The following ARHGAP28 variants were observed in gnomAD, a reference collection of about 807,000 sequenced individuals.
ARHGAP28 encodes the protein Rho GTPase activating protein 28.
A neutral mutation model predicts 90.7 loss-of-function variants in ARHGAP28; 56 were observed. The observed-to-expected ratio is 0.62, with a 90% confidence interval of 0.50 to 0.77. ARHGAP28 has a LOEUF of 0.77. Ranked by LOEUF, ARHGAP28 falls within the 30% of genes least tolerant of loss-of-function variation. The pLI is 0.00. For synonymous variants in ARHGAP28, 308 were observed against 323.3 expected (o/e 0.95, Z 0.51); for missense variants, 869 against 900.9 (o/e 0.96, Z 0.45).
In ARHGAP28 at chr18:6,915,501, C is replaced by A. The variant is rs1180772061; in HGVS notation, c.*3347C>A. On this transcript the variant is annotated 3_prime_UTR_variant, in exon 18 of 18. Transcript: ENST00000383472. Reference sequence around the variant, plus strand: ...CATTTTTAACAGTTTTACACACTTACATACACCTTAATTAAAAATTTTTTT... The same window carrying A: ...CATTTTTAACAGTTTTACACACTTAAATACACCTTAATTAAAAATTTTTTT... 8.6e-6 allele frequency: 1 copy of A among 116,588 alleles called. No individual in the cohort carries two copies. The highest frequency in any genetic ancestry group is 2.3e-4 in the East Asian group (1 of 4,352). The allele number at this position is 116,588 out of a possible 1,614,324, so 7.2% of individuals were successfully genotyped here. A position where few individuals can be genotyped will look rare whatever the true frequency, so the allele number is the denominator to read the frequency against.
chr18:6,795,870 C>T (rs560782575), intron 1 of ARHGAP28, among the ~76,000 whole-genome samples: 1 of 152,336 alleles, frequency 6.6e-6, no homozygotes, highest in South Asian at 2.1e-4. Flanking sequence ...AGGATATGGC[C>T]TGGGACATCC....
At chr18:6,872,097 G>T (rs2057094373) in intron 7 of ARHGAP28, among the ~76,000 whole-genome samples, 1 of 152,200 alleles carries the variant, frequency 6.6e-6, no homozygotes, top group African/African-American at 2.4e-5. Flanking sequence ...AGAGAAGCCT[G>T]CAGGACTCTG....
intron 4 of ARHGAP28, among the ~76,000 whole-genome samples, chr18:6,858,717 G>A (rs977376308): frequency 4.6e-5 from 7 of 152,046 alleles, no homozygotes; most frequent in Non-Finnish European, 1.5e-5. Context: ...TTTCAGTAGA[G>A]ATGGGGTTTC....
rs574782561 is a variant in ARHGAP28 at position 6,871,036 on chromosome 18, A to G, written c.954+304A>G. On this transcript the variant is annotated intron_variant, in intron 7 of 17. Coordinates refer to ENST00000383472, the MANE Select transcript of ARHGAP28 (RefSeq NM_001366230.1). ...AGGATGGTCTCGATCTCCTGACCTC[A>G]CGATCTGCCTGCCTCGGCCTCTCAA... Among the ~76,000 whole-genome samples, 4 of 152,260 alleles carry G rather than the reference A, an allele frequency of 2.6e-5. No homozygotes were observed. The East Asian group carries it at 5.8e-4, about 22-fold the overall frequency.
intron 11 of ARHGAP28, among the ~76,000 whole-genome samples, chr18:6,885,413 T>C (rs1260786124): frequency 1.3e-5 from 2 of 152,132 alleles, no homozygotes; most frequent in Non-Finnish European, 2.9e-5. Flanking sequence ...CTCAATACCC[T>C]CAAATGGAGC....
chr18:6,834,651 T>C (rs1214227119), intron 2 of ARHGAP28: 3 of 152,322 alleles, frequency 2.0e-5, no homozygotes, highest in African/African-American at 7.2e-5. Context: ...GGAGGAACTG[T>C]TGCGAGTCTA....
At chr18:6,843,877 A>G (rs536346785) in intron 3 of ARHGAP28, among the ~76,000 whole-genome samples, 1 of 152,304 alleles carries the variant, frequency 6.6e-6, no homozygotes, top group South Asian at 2.1e-4. Context: ...TTTTCAATGG[A>G]GTTTTTATAA....
chr18:6,802,335 CT>C (rs35950139), intron 1 of ARHGAP28, among the ~76,000 whole-genome samples: 974 of 52,662 alleles, frequency 0.018, 3 homozygotes, highest in African/African-American at 0.064. Context: ...TATGGTAGTT[CT>C]TTTTTTTTTT....
intron 1 of ARHGAP28, among the ~76,000 whole-genome samples, chr18:6,737,108 A>G (rs2055935754): frequency 6.6e-6 from 1 of 152,226 alleles, no homozygotes; most frequent in Non-Finnish European, 1.5e-5. Flanking sequence ...AAAATGTTAT[A>G]TAGCAAAGCA....
intron 1 of ARHGAP28, among the ~76,000 whole-genome samples, chr18:6,755,225 A>G (rs1415500277): frequency 6.6e-5 from 10 of 152,196 alleles, no homozygotes. Flanking sequence ...GATATGGAAA[A>G]AGCCTAGATC....
intron 10 of ARHGAP28, among the ~76,000 whole-genome samples, chr18:6,881,688 T>C (rs2057179433): frequency 6.6e-6 from 1 of 152,194 alleles, no homozygotes; most frequent in African/African-American, 2.4e-5. Flanking sequence ...TTGGGATATT[T>C]CTCATTCTGT....
chr18:6,758,035 C>T (rs2056126384), intron 1 of ARHGAP28, among the ~76,000 whole-genome samples: 2 of 152,182 alleles, frequency 1.3e-5, no homozygotes, highest in South Asian at 4.1e-4. Context: ...ACCACTAAGT[C>T]CTTTTTTGTG....
intron 14 of ARHGAP28, among the ~76,000 whole-genome samples, chr18:6,890,924 TA>T (rs369828493): frequency 1.3e-3 from 196 of 152,356 alleles, no homozygotes; most frequent in African/African-American, 4.5e-3. Context: ...ATTGATTGGT[TA>T]GTAAAGGAAT....
chr18:6,810,286 C>T (rs532808043), intron 1 of ARHGAP28, among the ~76,000 whole-genome samples: 11 of 152,128 alleles, frequency 7.2e-5, no homozygotes, highest in African/African-American at 2.7e-4. Flanking sequence ...GGAGAGGGCA[C>T]CTAAAATGAA....
intron 3 of ARHGAP28, among the ~76,000 whole-genome samples, chr18:6,841,203 C>CCTCTCCTCTCTCT (rs2056821189): frequency 2.4e-5 from 1 of 41,972 alleles, no homozygotes; most frequent in Non-Finnish European, 4.2e-5. Context: ...CTCTCTCTCT[C>CCTCTCCTCTCTCT]CTCTCCTCTC....
intron 5 of ARHGAP28, among the ~76,000 whole-genome samples, chr18:6,863,925 G>A (rs2057017790): frequency 6.6e-6 from 1 of 151,710 alleles, no homozygotes; most frequent in African/African-American, 2.4e-5. Context: ...TGGGATTACA[G>A]ATGCCCGCCA....
chr18:6,864,341 G>A (rs1025533642), intron 5 of ARHGAP28, among the ~76,000 whole-genome samples: 8 of 152,212 alleles, frequency 5.3e-5, no homozygotes, highest in African/African-American at 1.7e-4. Flanking sequence ...TGGGATTACA[G>A]GCATGAGCCA....
intron 1 of ARHGAP28, among the ~76,000 whole-genome samples, chr18:6,811,147 G>A (rs1188133470): frequency 6.6e-6 from 1 of 152,150 alleles, no homozygotes; most frequent in African/African-American, 2.4e-5. Context: ...GATTGTAAAA[G>A]TATCTACAGT....
chr18:6,744,422 G>T (rs549300689), intron 1 of ARHGAP28, among the ~76,000 whole-genome samples: 1 of 152,222 alleles, frequency 6.6e-6, no homozygotes, highest in East Asian at 1.9e-4. Context: ...GACCTCAAGG[G>T]TCTTTTCTCA....
Sources: gnomAD v4.1 joint callset for allele counts (sites outside exome capture counted in the v4.1 genomes callset) on GRCh38, gnomAD v4.1.1 for gene constraint, MANE v1.5 for transcripts, NCBI Gene and HGNC (gene_info 2026-07-23, HGNC 2026-07-21) for gene names.